CDH13: variants seen among roughly 807,000 people sequenced by gnomAD.
CDH13 encodes cadherin 13.
Under a neutral mutation model 63.8 loss-of-function variants are expected in CDH13, and 24 were observed. The observed-to-expected ratio is 0.38, with a 90% CI of 0.27 to 0.53. The LOEUF (loss-of-function observed/expected upper bound fraction) is 0.53. Among genes scored for constraint, CDH13 ranks in the 20% least tolerant of loss-of-function variants. The probability of loss-of-function intolerance (pLI) is 0.85; values close to 1 mark genes in which losing one functional copy is unlikely to be tolerated. For missense variants in CDH13, 1,049 were observed against 903.1 expected (o/e 1.16, Z -2.07); for synonymous variants, 503 against 355.3 (o/e 1.42, Z -4.67).
chr16:82,838,372 G>T (rs991918429), intron 1 of CDH13, among the ~76,000 whole-genome samples: 10 of 152,134 alleles, frequency 6.6e-5, no homozygotes, highest in Admixed American at 6.5e-4. Flanking sequence ...CAGGTGGTAG[G>T]TGTTCAATAT....
chr16:82,983,711 T>C (rs1050360494), intron 2 of CDH13, among the ~76,000 whole-genome samples: 10 of 152,096 alleles, frequency 6.6e-5, no homozygotes, highest in African/African-American at 1.7e-4. Flanking sequence ...ATGAGAGAGA[T>C]TGTGCATACC....
intron 3 of CDH13, among the ~76,000 whole-genome samples, chr16:83,067,190 C>G (rs1269278051): frequency 6.6e-6 from 1 of 152,162 alleles, no homozygotes; most frequent in African/African-American, 2.4e-5. Context: ...TCATTCTCTT[C>G]CTATCAAATC....
chr16:83,401,230 T>A (rs1418494261), intron 6 of CDH13, among the ~76,000 whole-genome samples: 1 of 151,624 alleles, frequency 6.6e-6, no homozygotes, highest in East Asian at 1.9e-4. Context: ...CCCAGCTACT[T>A]TGGGGGGCTG....
chr16:83,671,979 A>G (rs1914537269), intron 9 of CDH13, among the ~76,000 whole-genome samples: 1 of 152,178 alleles, frequency 6.6e-6, no homozygotes, highest in Admixed American at 6.5e-5. Context: ...AGAGACCAGG[A>G]CCTTCATGGG....
chr16:83,637,362 G>C (rs539590791), intron 8 of CDH13, among the ~76,000 whole-genome samples: 1 of 77,382 alleles, frequency 1.3e-5, no homozygotes, highest in Non-Finnish European at 2.5e-5. Flanking sequence ...TTCCATCTGA[G>C]GTACCGGGTT....
At chr16:82,863,803 G>A (rs2040030309) in intron 2 of CDH13, among the ~76,000 whole-genome samples, 1 of 152,176 alleles carries the variant, frequency 6.6e-6, no homozygotes, top group South Asian at 2.1e-4. Flanking sequence ...ACAAACAGGT[G>A]AAGAAGCGAC....
chr16:83,353,188 T>C (rs1371124815), intron 6 of CDH13, among the ~76,000 whole-genome samples: 4 of 152,256 alleles, frequency 2.6e-5, no homozygotes, highest in African/African-American at 9.6e-5. Context: ...CATGTCCGTG[T>C]AACGAAACTG....
rs929782700 is a variant in CDH13, at chr16:83,210,158, G to A, written c.484-7187G>A. ...TGGCTCACTGCAACCTCTGCCTCCC[G>A]GGTTCAAGCGATTCTCCTGCCTCAG... On this transcript the variant is annotated intron_variant, in intron 4 of 13. Transcript: ENST00000567109. Among the ~76,000 whole-genome samples, 8 of 151,966 alleles carry A rather than the reference G, an allele frequency of 5.3e-5. No homozygotes were observed. In the South Asian group the frequency reaches 8.3e-4, roughly 16 times the overall value.
chr16:83,262,756 C>T (rs1396600709), intron 5 of CDH13, among the ~76,000 whole-genome samples: 1 of 152,154 alleles, frequency 6.6e-6, no homozygotes, highest in Non-Finnish European at 1.5e-5. Context: ...TAACTTGTAA[C>T]AAAAATACCA....
chr16:83,380,304 T>C (rs2091539386), intron 6 of CDH13, among the ~76,000 whole-genome samples: 1 of 152,214 alleles, frequency 6.6e-6, no homozygotes. Context: ...TTCATACTAT[T>C]GTTCTTTGTG....
intron 1 of CDH13, among the ~76,000 whole-genome samples, chr16:82,828,024 GACAA>G (rs959558854): frequency 5.3e-5 from 8 of 152,162 alleles, no homozygotes; most frequent in African/African-American, 1.9e-4. Flanking sequence ...CTCAGTTCTA[GACAA>G]ACAGAGACAG....
rs562942948 is a variant in CDH13, at chr16:82,672,999, C to CTTTTTTTTTTTTTTTTTTT, written c.45+45864_45+45882dup. 6.6e-4 allele frequency among the ~76,000 whole-genome samples: 54 copies of CTTTTTTTTTTTTTTTTTTT among 81,272 alleles called. 8 individuals are homozygous for CTTTTTTTTTTTTTTTTTTT. The highest frequency in any genetic ancestry group is 2.4e-3 in the African/African-American group (45 of 18,634). The allele number at this position is 81,272 out of a possible 152,430, so 53.3% of individuals were successfully genotyped here. ...GTATGGCTAATTTTTATAAAGTTTT[C>CTTTTTTTTTTTTTTTTTTT]TTTTTTTTTTTTTTTTTTTTGTAGA... On this transcript the variant is annotated intron_variant, in intron 1 of 13. Coordinates refer to ENST00000567109, the MANE Select transcript of CDH13 (RefSeq NM_001257.5).
intron 7 of CDH13, among the ~76,000 whole-genome samples, chr16:83,524,271 C>G (rs551474876): frequency 1.3e-5 from 2 of 151,970 alleles, no homozygotes; most frequent in African/African-American, 4.8e-5. Context: ...TCATACCAGG[C>G]CCAGTGAAGG....
intron 7 of CDH13, among the ~76,000 whole-genome samples, chr16:83,491,014 A>G (rs377275106): frequency 2.6e-5 from 4 of 152,252 alleles, no homozygotes; most frequent in African/African-American, 9.6e-5. Context: ...GGATGAGTGG[A>G]TGACCTGTGT....
At chr16:83,765,983 G>A (rs918710783) in intron 11 of CDH13, among the ~76,000 whole-genome samples, 4 of 152,176 alleles carry the variant, frequency 2.6e-5, no homozygotes, top group Admixed American at 1.3e-4. Flanking sequence ...TGGGGCCATA[G>A]ATTGTACCGC....
At chr16:83,667,087 TGATGGATG>T (rs5818464) in intron 8 of CDH13, among the ~76,000 whole-genome samples, 2,015 of 144,788 alleles carry the variant, frequency 0.014, 15 homozygotes, top group Admixed American at 0.017. Context: ...GATAGATGGA[TGATGGATG>T]GATGGATGGA....
intron 4 of CDH13, among the ~76,000 whole-genome samples, chr16:83,133,965 G>A (rs2036165642): frequency 6.6e-6 from 1 of 152,170 alleles, no homozygotes; most frequent in African/African-American, 2.4e-5. Flanking sequence ...AATATTCTCT[G>A]AATTGAATTC....
In CDH13 at chr16:83,675,079, A is replaced by T. The variant is rs142431944; in HGVS notation, c.1285-3129A>T. Among the ~76,000 whole-genome samples, 4 of 152,186 alleles carry T rather than the reference A, an allele frequency of 2.6e-5. No homozygotes were observed. The East Asian group carries it at 7.7e-4, about 29-fold the overall frequency. ...TTACACCCTCTCTTGTCACTTGAAA[A>T]AATATTAATTGAATTGCCTCTCTGT... On this transcript the variant is annotated intron_variant, in intron 9 of 13. Coordinates refer to ENST00000567109, the MANE Select transcript of CDH13 (RefSeq NM_001257.5).
chr16:83,607,875 C>A (rs962914250), intron 8 of CDH13, among the ~76,000 whole-genome samples: 1 of 151,822 alleles, frequency 6.6e-6, no homozygotes, highest in African/African-American at 2.4e-5. Flanking sequence ...TTCAGCAGCC[C>A]CATTTGTGGC....
Sources: gnomAD v4.1 joint callset for allele counts (sites outside exome capture counted in the v4.1 genomes callset) on GRCh38, gnomAD v4.1.1 for gene constraint, MANE v1.5 for transcripts, NCBI Gene and HGNC (gene_info 2026-07-23, HGNC 2026-07-21) for gene names.